The following ZMYND8 variants were observed in gnomAD, a reference collection of about 807,000 sequenced individuals.
ZMYND8 encodes zinc finger MYND-type containing 8.
Under a neutral mutation model 140.8 loss-of-function variants are expected in ZMYND8, and 37 were observed. The observed-to-expected ratio is 0.26, with a 90% CI of 0.20 to 0.35. The LOEUF is 0.35. Among genes scored for constraint, ZMYND8 ranks in the 10% least tolerant of loss-of-function variants. The probability of loss-of-function intolerance (pLI) is 1.00; values close to 1 mark genes in which losing one functional copy is unlikely to be tolerated. For synonymous variants in ZMYND8, 592 were observed against 597.1 expected, an observed-to-expected ratio of 0.99 and a Z score of 0.12; for missense variants, 1,068 against 1,570.0, an observed-to-expected ratio of 0.68 and a Z score of 5.40.
chr20:47,210,637 C>T lies in ZMYND8; in HGVS notation c.*124G>A. ...AGCCCCCGCGCCGGGGGCTCAGGCTCAACTGAGGGTTTTGTCATTTTCAAG... is the reference window on the plus strand; with the variant it reads ...AGCCCCCGCGCCGGGGGCTCAGGCTTAACTGAGGGTTTTGTCATTTTCAAG... On this transcript the variant is annotated 3_prime_UTR_variant, in exon 23 of 23. Coordinates refer to ENST00000471951, the MANE Select transcript of ZMYND8 (RefSeq NM_001281775.3). 6.4e-7 allele frequency: 1 copy of T among 1,552,026 alleles called. No homozygotes were observed.
At chr20:47,294,316 C>A (rs553187302) in intron 5 of ZMYND8, among the ~76,000 whole-genome samples, 70 of 152,084 alleles carry the variant, frequency 4.6e-4, no homozygotes, top group Non-Finnish European at 3.1e-4. Context: ...CACACCACTG[C>A]ACTCCAGCCT....
At chr20:47,329,428 G>C (rs2080748555) in intron 2 of ZMYND8, among the ~76,000 whole-genome samples, 2 of 152,008 alleles carry the variant, frequency 1.3e-5, no homozygotes, top group South Asian at 4.1e-4. Context: ...TTTGGAGATG[G>C]AGTTTTGCTC....
intron 11 of ZMYND8, among the ~76,000 whole-genome samples, chr20:47,271,929 C>G (rs557383593): frequency 1.3e-5 from 2 of 151,274 alleles, no homozygotes; most frequent in African/African-American, 4.9e-5. Flanking sequence ...GTGATCCGCC[C>G]ACCTCGGCCT....
intron 12 of ZMYND8, among the ~76,000 whole-genome samples, chr20:47,252,691 T>G (rs2147379209): frequency 6.6e-6 from 1 of 152,188 alleles, no homozygotes; most frequent in Admixed American, 6.5e-5. Flanking sequence ...GAGGCTGAGG[T>G]GGGCAGTTCC....
At chr20:47,246,587 A>G in intron 13 of ZMYND8, 70 bp from the exon 14 acceptor site, 1 of 1,504,344 alleles carries the variant, frequency 6.6e-7, no homozygotes, top group Non-Finnish European at 8.8e-7. Context: ...AAATGCAAAC[A>G]TTTTTCCACA....
chr20:47,293,691 T>TA (rs941352343), intron 5 of ZMYND8, among the ~76,000 whole-genome samples: 3 of 152,190 alleles, frequency 2.0e-5, no homozygotes, highest in Non-Finnish European at 2.9e-5. Context: ...TGCTGGGTGT[T>TA]ATAGGAGGTT....
At chr20:47,307,534 T>C (rs750005885) in intron 3 of ZMYND8, among the ~76,000 whole-genome samples, 3 of 151,968 alleles carry the variant, frequency 2.0e-5, no homozygotes, top group Non-Finnish European at 2.9e-5. Context: ...GAAGGATAAC[T>C]TGAGTGTCCA....
chr20:47,219,625 T>C (rs538807586), intron 21 of ZMYND8, among the ~76,000 whole-genome samples: 1 of 151,880 alleles, frequency 6.6e-6, no homozygotes, highest in Admixed American at 6.6e-5. Flanking sequence ...GGAAGACACC[T>C]TCTCTGAACC....
chr20:47,319,782 G>A (rs1010539249), intron 2 of ZMYND8: 4 of 152,198 alleles, frequency 2.6e-5, no homozygotes, highest in African/African-American at 9.7e-5. Context: ...GAATTTCCTG[G>A]ATCAAGAATG....
At position 47,210,633 on chromosome 20, in the gene ZMYND8, G is replaced by A; in HGVS notation, c.*128C>T. The A allele has an allele frequency of 3.3e-6, 5 of 1,530,638 alleles. No homozygotes were observed. The South Asian group carries it at 4.5e-5, about 14-fold the overall frequency. 94.8% of individuals were successfully genotyped at this position (1,530,638 alleles called of 1,614,324 possible). A position where few individuals can be genotyped will look rare whatever the true frequency, so the allele number is the denominator to read the frequency against. ...TAGCAGCCCCCGCGCCGGGGGCTCA[G>A]GCTCAACTGAGGGTTTTGTCATTTT... On this transcript the variant is annotated 3_prime_UTR_variant, in exon 23 of 23. Transcript: ENST00000471951.
intron 3 of ZMYND8, among the ~76,000 whole-genome samples, chr20:47,307,605 C>T (rs553521572): frequency 3.6e-4 from 55 of 151,990 alleles, no homozygotes; most frequent in African/African-American, 1.3e-3. Flanking sequence ...CACAGTGGCT[C>T]ACGCCAGAGG....
chr20:47,352,527 T>C (rs1259231054), intron 1 of ZMYND8: 2 of 985,534 alleles, frequency 2.0e-6, no homozygotes, highest in East Asian at 1.1e-4. Context: ...GAATTAACAA[T>C]GGGTTTTGCA....
intron 10 of ZMYND8, among the ~76,000 whole-genome samples, chr20:47,279,985 G>A (rs373587968): frequency 2.6e-5 from 4 of 151,932 alleles, no homozygotes; most frequent in Non-Finnish European, 5.9e-5. Flanking sequence ...TTAGTTGGGC[G>A]TAGTGGCACA....
In ZMYND8 at chr20:47,209,372, A is replaced by ACAAATTTTATACAAAG. The variant is rs1382925170; in HGVS notation, c.*1373_*1388dup. ...CATCAAAAAGATATTTAAGTTTAAT[A>ACAAATTTTATACAAAG]CAAATTTTATACAAAGAAAATGTGA... On this transcript the variant is annotated 3_prime_UTR_variant, in exon 23 of 23. Coordinates refer to ENST00000471951, the MANE Select transcript of ZMYND8 (RefSeq NM_001281775.3). 1 of 152,256 alleles carries ACAAATTTTATACAAAG rather than the reference A, an allele frequency of 6.6e-6. No homozygotes were observed. The highest frequency in any genetic ancestry group is 2.4e-5 in the African/African-American group (1 of 41,472). 9.4% of individuals were successfully genotyped at this position (152,256 alleles called of 1,614,324 possible).
At chr20:47,342,407 C>T (rs1172131125) in intron 2 of ZMYND8, among the ~76,000 whole-genome samples, 2 of 148,740 alleles carry the variant, frequency 1.3e-5, no homozygotes, top group Non-Finnish European at 3.0e-5. Context: ...ATTAGCCAGG[C>T]GTGGTGGTGC....
chr20:47,329,389 A>G (rs2080744774), intron 2 of ZMYND8, among the ~76,000 whole-genome samples: 1 of 152,046 alleles, frequency 6.6e-6, no homozygotes, highest in South Asian at 2.1e-4. Flanking sequence ...CTGAGGAATG[A>G]ATTTTATTTT....
At chr20:47,304,678 G>C (rs1601756283) in intron 3 of ZMYND8, among the ~76,000 whole-genome samples, 1 of 152,202 alleles carries the variant, frequency 6.6e-6, no homozygotes, top group Admixed American at 6.5e-5. Context: ...CCTACATCTG[G>C]TAAAAGCATG....
chr20:47,249,211 T>C, intron 13 of ZMYND8, 76 bp downstream of exon 13: 3 of 1,511,810 alleles, frequency 2.0e-6, no homozygotes, highest in Non-Finnish European at 2.7e-6. Flanking sequence ...CAACCTTGAT[T>C]TCATCCAGGT....
At chr20:47,351,558 T>G (rs532977904) in intron 1 of ZMYND8, among the ~76,000 whole-genome samples, 2 of 152,178 alleles carry the variant, frequency 1.3e-5, no homozygotes, top group Non-Finnish European at 2.9e-5. Flanking sequence ...TAAGAAATAT[T>G]TAATCCCCAA....
Sources: allele counts gnomAD v4.1 joint callset (sites outside exome capture counted in the v4.1 genomes callset), GRCh38; gene constraint gnomAD v4.1.1; transcripts MANE v1.5; gene names NCBI Gene and HGNC (gene_info 2026-07-23, HGNC 2026-07-21).